Variants in COQ8A observed in about 807,000 individuals in gnomAD.
COQ8A encodes the protein coenzyme Q8A.
Under a neutral mutation model 65.0 loss-of-function variants are expected in COQ8A, and 51 were observed. The ratio of observed to expected loss-of-function variants is 0.78; its 90% confidence interval spans 0.63 to 0.99. The LOEUF (loss-of-function observed/expected upper bound fraction) is 0.99, where lower values mean the gene tolerates loss of function less well. Among genes scored for constraint, COQ8A ranks in the 50% least tolerant of loss-of-function variants. The probability of loss-of-function intolerance (pLI) is 0.00; values close to 1 mark genes in which losing one functional copy is unlikely to be tolerated. For missense variants in COQ8A, 940 were observed against 875.0 expected, an observed-to-expected ratio of 1.07 and a Z score of -0.94; for synonymous variants, 371 against 353.2, an observed-to-expected ratio of 1.05 and a Z score of -0.57.
intron 1 of COQ8A, among the ~76,000 whole-genome samples, chr1:226,955,979 G>T: frequency 7.8e-6 from 1 of 127,658 alleles, no homozygotes; most frequent in Admixed American, 7.8e-5. Flanking sequence ...CACTCTCCCT[G>T]GCTGCCACTC....
intron 4 of COQ8A, among the ~76,000 whole-genome samples, chr1:226,974,281 C>G (rs758683463): frequency 6.6e-6 from 1 of 152,192 alleles, no homozygotes; most frequent in Non-Finnish European, 1.5e-5. Flanking sequence ...TGCATAACTT[C>G]TCTCGGAGAA....
At chr1:226,964,687 G>C (rs1658451254) in intron 2 of COQ8A, among the ~76,000 whole-genome samples, 1 of 152,222 alleles carries the variant, frequency 6.6e-6, no homozygotes, top group Non-Finnish European at 1.5e-5. Flanking sequence ...AGGCCTTCTT[G>C]GCCCTGTTTT....
In COQ8A at chr1:226,982,041, C is replaced by G. The variant is rs199958142; in HGVS notation, c.745C>G (p.Leu249Val). The change falls in exon 6 of 15, where the codon CTG becomes GTG. Residue 249 changes from leucine (L) to valine (V), a missense_variant. By Grantham distance (32) the Leu-to-Val change is conservative. Transcript: ENST00000366777. The stretch of plus-strand genomic sequence containing the variant: ...CCCGCCCACAGGGAAGAAGGCCGTG[C>G]TGGGTTCCAGTCCTTTCCTGTCCGA... Reference protein sequence around the residue: ...SEDPSGKKAVLGSSPFLSEAN... With the variant: ...SEDPSGKKAVVGSSPFLSEAN... 1 of 1,612,944 alleles carries G rather than the reference C, an allele frequency of 6.2e-7. No individual in the cohort carries two copies. Among genetic ancestry groups the G allele is most frequent in the East Asian group, 2.2e-5 (1 of 44,878 alleles).
Position 226,976,371 on chromosome 1 carries a change from GCTGCGGGGCTGTGGGA to G in COQ8A, c.656-1056_656-1041del, listed in dbSNP as rs1338848820. ...GGCTGTGGGACTGCGATGTTGCCTG[GCTGCGGGGCTGTGGGA>G]CTGCGGGGCTGTGGGACTGCGATGT... On this transcript the variant is annotated intron_variant, in intron 4 of 14. Coordinates refer to ENST00000366777, the MANE Select transcript of COQ8A (RefSeq NM_020247.5). 2.7e-4 allele frequency among the ~76,000 whole-genome samples: 40 copies of G among 148,188 alleles called. No homozygotes were observed. The East Asian group carries it at 3.1e-3, about 11-fold the overall frequency.
rs759094737 is a variant in COQ8A at position 226,986,627 on chromosome 1, A to G, written c.1834A>G (p.Lys612Glu). The change falls in exon 15 of 15, where the codon AAG becomes GAG. Residue 612 changes from lysine (K) to glutamate (E), a missense_variant. Physicochemically the swap from Lys to Glu is moderately conservative, Grantham distance 56 (BLOSUM62 1). Transcript: ENST00000366777. ...CGAGGAAACCTACTCCCTGCACAGG[A>G]AGATGGGGGGCTCCTTCCTCATCTG... ...PPEETYSLHR[K>E]MGGSFLICSK... is the part of the protein sequence containing the mutation. 2 of 1,613,722 alleles carry G rather than the reference A, an allele frequency of 1.2e-6. No homozygotes were observed. Among genetic ancestry groups the G allele is most frequent in the Non-Finnish European group, 1.7e-6 (2 of 1,179,958 alleles).
Position 226,983,623 on chromosome 1 carries a change from G to A in COQ8A, c.1152G>A (p.Met384Ile). 6.2e-7 allele frequency: 1 copy of A among 1,613,982 alleles called. No individual in the cohort carries two copies. Among genetic ancestry groups the A allele is most frequent in the Non-Finnish European group, 8.5e-7 (1 of 1,180,006 alleles). Residue 384 changes from methionine (M) to isoleucine (I), a missense_variant, in exon 9 of 15, where the codon ATG becomes ATA. Met to Ile is a conservative substitution (Grantham distance 10). Coordinates refer to ENST00000366777, the MANE Select transcript of COQ8A (RefSeq NM_020247.5). The part of the protein sequence containing the change: ...NLMAVLNMSN[M>I]LPEGLFPEHL... ...TGGCCGTGTTGAACATGAGCAACAT[G>A]CTTCCAGAAGGTCTGAGGCTAGGTG...
At chr1:226,983,269 T>TG (rs1251567343) in intron 8 of COQ8A, 7 of 700,778 alleles carry the variant, frequency 1.0e-5, no homozygotes, top group African/African-American at 3.6e-5. Flanking sequence ...TGATTTGGGG[T>TG]GGGCAAGGAC....
At chr1:226,982,248 CA>C in intron 6 of COQ8A, 99 bp downstream of exon 6, 3 of 1,485,718 alleles carry the variant, frequency 2.0e-6, no homozygotes, top group Non-Finnish European at 2.7e-6. Flanking sequence ...GCTCAGTGGG[CA>C]AGATGTGAGC....
At chr1:226,969,833 T>C (rs767446534) in intron 4 of COQ8A, among the ~76,000 whole-genome samples, 2 of 152,242 alleles carry the variant, frequency 1.3e-5, no homozygotes, top group African/African-American at 2.4e-5. Context: ...TTAAATGCAA[T>C]TGTGGATGTA....
chr1:226,971,959 C>T (rs903030213), intron 4 of COQ8A, among the ~76,000 whole-genome samples: 1 of 152,196 alleles, frequency 6.6e-6, no homozygotes, highest in Non-Finnish European at 1.5e-5. Context: ...CTTTCTGGGA[C>T]TCCAATTACA....
chr1:226,980,101 C>T (rs1305352237), intron 5 of COQ8A, among the ~76,000 whole-genome samples: 1 of 152,184 alleles, frequency 6.6e-6, no homozygotes, highest in Non-Finnish European at 1.5e-5. Context: ...CCTGGGCAGC[C>T]CCAAACTGTG....
intron 1 of COQ8A, among the ~76,000 whole-genome samples, chr1:226,947,921 C>T (rs1657141883): frequency 6.6e-6 from 1 of 152,128 alleles, no homozygotes; most frequent in African/African-American, 2.4e-5. Context: ...TAGTCTACCA[C>T]CCAGCTTGGT....
Position 226,949,714 on chromosome 1 carries a change from G to A in COQ8A, c.-10+9315G>A, listed in dbSNP as rs1446577935. Among the ~76,000 whole-genome samples, 1 of 152,210 alleles carries A rather than the reference G, an allele frequency of 6.6e-6. No individual in the cohort carries two copies. Among genetic ancestry groups the A allele is most frequent in the African/African-American group, 2.4e-5 (1 of 41,446 alleles). On this transcript the variant is annotated intron_variant, in intron 1 of 14. Coordinates refer to ENST00000366777, the MANE Select transcript of COQ8A (RefSeq NM_020247.5). The surrounding 1 kb of genome is among the most constrained non-coding windows in gnomAD (Gnocchi z 4.0). ...TCACCCTAACCGTTGGTCTCACCAA[G>A]TCTGAACTTCATTCCAGAATGTCTG...
intron 4 of COQ8A, among the ~76,000 whole-genome samples, chr1:226,968,283 TGAG>T (rs1658679700): frequency 6.6e-6 from 1 of 152,076 alleles, no homozygotes; most frequent in African/African-American, 2.4e-5. Context: ...TGCAGTGAGC[TGAG>T]ATTGCGCCAC....
intron 10 of COQ8A, 65 bp from the exon 11 acceptor site, chr1:226,984,029 G>A: frequency 6.6e-7 from 1 of 1,517,974 alleles, no homozygotes. Context: ...GTTGGGGGGT[G>A]TGTGTGGGGG....
intron 14 of COQ8A, 134 bp downstream of exon 14, chr1:226,985,474 G>A: frequency 1.0e-6 from 1 of 987,088 alleles, no homozygotes; most frequent in Non-Finnish European, 1.6e-6. Context: ...GGCACGGTCT[G>A]AAAGCTGGGG....
chr1:226,974,569 T>C (rs1659082053), intron 4 of COQ8A, among the ~76,000 whole-genome samples: 2 of 152,206 alleles, frequency 1.3e-5, no homozygotes, highest in Non-Finnish European at 2.9e-5. Flanking sequence ...TGGCTGGTTC[T>C]AATGGAGGGC....
intron 1 of COQ8A, among the ~76,000 whole-genome samples, chr1:226,941,868 C>T (rs187178264): frequency 2.0e-5 from 3 of 151,912 alleles, no homozygotes; most frequent in Admixed American, 2.0e-4. Context: ...TGATTTGGGG[C>T]CTAATGTTGA....
At chr1:226,976,408 G>A (rs953002547) in intron 4 of COQ8A, among the ~76,000 whole-genome samples, 1 of 151,698 alleles carries the variant, frequency 6.6e-6, no homozygotes, top group African/African-American at 2.4e-5. Flanking sequence ...GTGGGACTGC[G>A]ATGTTGCCTG....
Sources: allele counts gnomAD v4.1 joint callset (sites outside exome capture counted in the v4.1 genomes callset), GRCh38; gene constraint gnomAD v4.1.1; non-coding constraint Gnocchi (gnomAD v3.1); transcripts MANE v1.5; gene names NCBI Gene and HGNC (gene_info 2026-07-23, HGNC 2026-07-21).